GABRG1: variants seen among roughly 807,000 people sequenced by gnomAD.
GABRG1 encodes the protein gamma-aminobutyric acid type A receptor subunit gamma1, also known as gamma-aminobutyric acid receptor subunit gamma-1.
A neutral mutation model predicts 49.8 loss-of-function variants in GABRG1; 49 were observed. That is an observed-to-expected ratio of 0.98 (90% CI 0.78 to 1.25). The LOEUF (loss-of-function observed/expected upper bound fraction) is 1.25. GABRG1 is among the 50% of genes most tolerant of loss of function. GABRG1 has a pLI of 0.00. For missense variants in GABRG1, 552 were observed against 552.3 expected (o/e 1.00, Z 0.01); for synonymous variants, 232 against 185.1 (o/e 1.25, Z -2.06).
Position 46,058,351 on chromosome 4 carries a change from G to T in GABRG1, c.782C>A (p.Thr261Lys), listed in dbSNP as rs1000210963. The change falls in exon 7 of 9, where the codon ACA (threonine) becomes AAA (lysine). Residue 261 changes from threonine to lysine, a missense_variant. Physicochemically the swap from Thr to Lys is moderately conservative, Grantham distance 78. Transcript: ENST00000295452. ...HTISGDYVIMTIFFDLSRRMG... is the reference protein window; with the variant it reads ...HTISGDYVIMKIFFDLSRRMG... ...TCTTCTGCTCAGGTCAAAAAAAATT[G>T]TCATGATAACATAATCCCCTGTAAG... The T allele has an allele frequency of 4.3e-6, 7 of 1,611,314 alleles. No individual in the cohort carries two copies. In the Admixed American group the frequency reaches 6.7e-5, roughly 15 times the overall value.
intron 1 of GABRG1, among the ~76,000 whole-genome samples, chr4:46,118,751 G>A (rs567048956): frequency 6.6e-6 from 1 of 151,152 alleles, no homozygotes; most frequent in South Asian, 2.1e-4. Flanking sequence ...TGAAACATGG[G>A]ACTTCAGCTG....
At chr4:46,075,993 T>C (rs983055210) in intron 3 of GABRG1, among the ~76,000 whole-genome samples, 1 of 151,864 alleles carries the variant, frequency 6.6e-6, no homozygotes, top group Non-Finnish European at 1.5e-5. Flanking sequence ...ATAAATTCCT[T>C]AACGGGTAAA....
At chr4:46,099,796 AT>A (rs1412736826) in intron 1 of GABRG1, among the ~76,000 whole-genome samples, 2 of 151,554 alleles carry the variant, frequency 1.3e-5, no homozygotes, top group African/African-American at 4.8e-5. Context: ...CCTAAAACCC[AT>A]GGTCCTTCTA....
chr4:46,099,535 A>C (rs139908267), intron 1 of GABRG1, among the ~76,000 whole-genome samples: 17 of 151,822 alleles, frequency 1.1e-4, no homozygotes, highest in Non-Finnish European at 1.9e-4. Flanking sequence ...TTGCCTCAGG[A>C]TGGTCCAATT....
At chr4:46,050,601 A>T (rs1298242476) in intron 8 of GABRG1, among the ~76,000 whole-genome samples, 6 of 151,860 alleles carry the variant, frequency 4.0e-5, no homozygotes, top group Non-Finnish European at 5.9e-5. Flanking sequence ...TAATTTTAGA[A>T]AAATAAATGT....
chr4:46,101,460 G>T (rs1389281974), intron 1 of GABRG1, among the ~76,000 whole-genome samples: 1 of 150,914 alleles, frequency 6.6e-6, no homozygotes, highest in Non-Finnish European at 1.5e-5. Flanking sequence ...TCCAGAGAAG[G>T]TAGAATCATA....
intron 1 of GABRG1, among the ~76,000 whole-genome samples, chr4:46,103,286 G>GGA (rs1283646666): frequency 5.3e-5 from 2 of 37,592 alleles, no homozygotes; most frequent in East Asian, 4.8e-4. Flanking sequence ...ATTGATTGAT[G>GGA]AGGCCATTTA....
intron 1 of GABRG1, among the ~76,000 whole-genome samples, chr4:46,104,474 T>C (rs1055671321): frequency 6.6e-6 from 1 of 151,584 alleles, no homozygotes; most frequent in Non-Finnish European, 1.5e-5. Flanking sequence ...CATTTTAGCA[T>C]ATACCTATGT....
intron 1 of GABRG1, among the ~76,000 whole-genome samples, chr4:46,120,859 C>A (rs2109449132): frequency 6.6e-6 from 1 of 151,798 alleles, no homozygotes; most frequent in African/African-American, 2.4e-5. Context: ...TTAGTCAAGG[C>A]TTATTGTAGG....
intron 1 of GABRG1, 108 bp downstream of exon 1, chr4:46,123,702 A>T: frequency 1.4e-6 from 1 of 724,704 alleles, no homozygotes; most frequent in Non-Finnish European, 2.4e-6. Flanking sequence ...CATATGTGTT[A>T]GGAAATGCAA....
intron 1 of GABRG1, among the ~76,000 whole-genome samples, chr4:46,110,244 T>C (rs1720673572): frequency 6.6e-6 from 1 of 151,080 alleles, no homozygotes; most frequent in South Asian, 2.1e-4. Context: ...CTTGTTGAAT[T>C]GCACCCTTTA....
chr4:46,106,907 CA>C (rs1169389444), intron 1 of GABRG1, among the ~76,000 whole-genome samples: 2 of 150,982 alleles, frequency 1.3e-5, no homozygotes, highest in African/African-American at 4.9e-5. Flanking sequence ...TACATTTAAT[CA>C]TTTTTTTAAT....
intron 5 of GABRG1, among the ~76,000 whole-genome samples, chr4:46,059,708 T>C (rs1718599425): frequency 6.6e-6 from 1 of 152,050 alleles, no homozygotes; most frequent in Non-Finnish European, 1.5e-5. Context: ...CCACCACGCC[T>C]AGCCACTAGC....
chr4:46,115,880 G>A (rs1175906299), intron 1 of GABRG1, among the ~76,000 whole-genome samples: 1 of 150,696 alleles, frequency 6.6e-6, no homozygotes, highest in Non-Finnish European at 1.5e-5. Context: ...AATGAAAAAA[G>A]AGTAATATCA....
chr4:46,115,407 C>A (rs1451817978), intron 1 of GABRG1, among the ~76,000 whole-genome samples: 1 of 150,686 alleles, frequency 6.6e-6, no homozygotes. Context: ...TAGATTCCCA[C>A]CTTACACAGT....
chr4:46,103,651 AAAAT>A (rs1444843423), intron 1 of GABRG1, among the ~76,000 whole-genome samples: 6 of 151,460 alleles, frequency 4.0e-5, no homozygotes, highest in South Asian at 2.1e-4. Flanking sequence ...TTATAATTAA[AAAAT>A]AAATAAATAT....
At chr4:46,063,332 C>T (rs1376743170) in intron 5 of GABRG1, among the ~76,000 whole-genome samples, 7 of 151,728 alleles carry the variant, frequency 4.6e-5, no homozygotes, top group East Asian at 1.9e-4. Flanking sequence ...TATAGATCAA[C>T]GGAACAGAAC....
At chr4:46,107,212 C>T (rs1023740991) in intron 1 of GABRG1, among the ~76,000 whole-genome samples, 8 of 150,862 alleles carry the variant, frequency 5.3e-5, no homozygotes, top group African/African-American at 1.9e-4. Flanking sequence ...TTGATCTTTT[C>T]TCTCCTCTTG....
intron 7 of GABRG1, among the ~76,000 whole-genome samples, chr4:46,053,023 C>G (rs1282150511): frequency 1.3e-5 from 2 of 151,718 alleles, no homozygotes; most frequent in Admixed American, 1.3e-4. Flanking sequence ...GCTCTGTGAT[C>G]TTAACAAAGT....
Sources: gnomAD v4.1 joint callset for allele counts (sites outside exome capture counted in the v4.1 genomes callset) on GRCh38, gnomAD v4.1.1 for gene constraint, MANE v1.5 for transcripts, NCBI Gene and HGNC (gene_info 2026-07-23, HGNC 2026-07-21) for gene names.